SDK1: variants seen among roughly 807,000 people sequenced by gnomAD.
The protein encoded by SDK1 is sidekick cell adhesion molecule 1.
In SDK1, 157 loss-of-function variants were observed where a neutral mutation model predicts 245.5. The ratio of observed to expected loss-of-function variants is 0.64; its 90% confidence interval spans 0.56 to 0.73. The LOEUF (loss-of-function observed/expected upper bound fraction) is 0.73. Among genes scored for constraint, SDK1 ranks in the 30% least tolerant of loss-of-function variants. The probability of loss-of-function intolerance (pLI) is 0.00; values close to 1 mark genes in which losing one functional copy is unlikely to be tolerated. For synonymous variants in SDK1, 1,647 were observed against 1,278.5 expected (o/e 1.29, Z -6.15); for missense variants, 3,583 against 3,002.3 (o/e 1.19, Z -4.52).
chr7:4,037,072 A>T (rs1460110531), intron 17 of SDK1, among the ~76,000 whole-genome samples: 2 of 152,216 alleles, frequency 1.3e-5, no homozygotes, highest in Non-Finnish European at 2.9e-5. Context: ...TGATGATGAT[A>T]ACGATGCATT....
chr7:3,869,246 C>G (rs2115130749), intron 5 of SDK1, among the ~76,000 whole-genome samples: 1 of 151,060 alleles, frequency 6.6e-6, no homozygotes, highest in South Asian at 2.1e-4. Context: ...ATCTCCACCT[C>G]CCGGGTTCAA....
intron 12 of SDK1, 142 bp from the exon 13 acceptor site, chr7:3,974,227 C>A: frequency 3.9e-6 from 2 of 511,954 alleles, no homozygotes; most frequent in Non-Finnish European, 6.7e-6. Context: ...AAAGAAAAAT[C>A]ACTCTTTTAA....
intron 41 of SDK1, among the ~76,000 whole-genome samples, chr7:4,235,606 C>A (rs1269931485): frequency 6.6e-6 from 1 of 152,144 alleles, no homozygotes; most frequent in Non-Finnish European, 1.5e-5. Context: ...TTCAGAGATC[C>A]AAGATTTACT....
chr7:3,512,530 C>T (rs1782615695), intron 1 of SDK1, among the ~76,000 whole-genome samples: 1 of 152,132 alleles, frequency 6.6e-6, no homozygotes, highest in African/African-American at 2.4e-5. Context: ...TGTAAGAAGC[C>T]ACCAGGCTGT....
intron 1 of SDK1, among the ~76,000 whole-genome samples, chr7:3,598,222 T>C (rs988236697): frequency 2.6e-5 from 4 of 152,216 alleles, no homozygotes. Context: ...TCAAGCCTTT[T>C]GCTCATTTTA....
intron 1 of SDK1, among the ~76,000 whole-genome samples, chr7:3,527,558 G>A (rs533032398): frequency 6.6e-6 from 1 of 152,210 alleles, no homozygotes; most frequent in African/African-American, 2.4e-5. Flanking sequence ...TGGGTGAGTG[G>A]TAGGAGTTGA....
intron 1 of SDK1, among the ~76,000 whole-genome samples, chr7:3,467,796 T>C (rs143362562): frequency 3.8e-4 from 58 of 152,280 alleles, no homozygotes; most frequent in Admixed American, 7.2e-4. Flanking sequence ...AATTAAAATT[T>C]GTTCTCTAAA....
rs918894580 is a variant in SDK1, at chr7:4,139,929, G to C, written c.4229-5793G>C. Among the ~76,000 whole-genome samples, 50 of 152,066 alleles carry C rather than the reference G, an allele frequency of 3.3e-4. 1 individual carries two copies. Among genetic ancestry groups the C allele is most frequent in the African/African-American group, 1.2e-3 (48 of 41,398 alleles). ...TCGATGGGAACGATCTGGTAATGGGGCAGGGCCCCAGGCCTCCCTGAACAA... is the reference window on the plus strand; with the variant it reads ...TCGATGGGAACGATCTGGTAATGGGCCAGGGCCCCAGGCCTCCCTGAACAA... On this transcript the variant is annotated intron_variant, in intron 28 of 44. Transcript: ENST00000404826.
In SDK1 at chr7:4,077,067, C is replaced by T. The variant is rs61735696; in HGVS notation, c.3080C>T (p.Thr1027Met). Residue 1027 changes from threonine to methionine, a missense_variant, in exon 21 of 45, where the codon ACG becomes ATG. Physicochemically the swap from Thr to Met is moderately conservative, Grantham distance 81 (BLOSUM62 -1). Transcript: ENST00000404826. ...SRLTHTLNST[T>M]HEYKIQGLSS... ...CTCACGCACACCCTGAACAGCACGA[C>T]GCACGAGTACAAGATCCAAGGCCTC... is the stretch of plus-strand genomic sequence containing the variant. 0.02 allele frequency: 32,247 copies of T among 1,614,134 alleles called. 413 individuals carry two copies. The highest frequency in any genetic ancestry group is 0.061 in the Admixed American group (3,673 of 60,014).
intron 4 of SDK1, among the ~76,000 whole-genome samples, chr7:3,673,078 C>T (rs1783771675): frequency 6.6e-6 from 1 of 151,884 alleles, no homozygotes; most frequent in South Asian, 2.1e-4. Context: ...TATGAAGATA[C>T]TTCCTTGTAG....
intron 30 of SDK1, among the ~76,000 whole-genome samples, chr7:4,151,349 A>G (rs2128208727): frequency 6.6e-6 from 1 of 152,258 alleles, no homozygotes; most frequent in East Asian, 1.9e-4. Flanking sequence ...CTGAAAATCG[A>G]GGTGGAATGG....
At chr7:3,692,599 G>T (rs960639172) in intron 4 of SDK1, among the ~76,000 whole-genome samples, 4 of 152,072 alleles carry the variant, frequency 2.6e-5, no homozygotes, top group Middle Eastern at 3.4e-3. Context: ...TTAAACTGAT[G>T]TGATAAAAAT....
intron 4 of SDK1, among the ~76,000 whole-genome samples, chr7:3,659,355 C>T (rs1486391539): frequency 1.3e-5 from 2 of 152,042 alleles, no homozygotes; most frequent in African/African-American, 4.8e-5. Flanking sequence ...GGGCAAAAAC[C>T]AAACACATAA....
chr7:3,909,424 C>T (rs1479125869), intron 5 of SDK1, among the ~76,000 whole-genome samples: 6 of 152,224 alleles, frequency 3.9e-5, no homozygotes, highest in Non-Finnish European at 1.5e-5. Context: ...TCTGCCCATC[C>T]TGAGGGACCT....
intron 25 of SDK1, among the ~76,000 whole-genome samples, chr7:4,122,461 T>A (rs1236924885): frequency 6.6e-6 from 1 of 152,134 alleles, no homozygotes; most frequent in Non-Finnish European, 1.5e-5. Context: ...AAATAGCAGC[T>A]CCTGGGAGCT....
chr7:3,557,365 AAACT>A (rs1183848410), intron 1 of SDK1, among the ~76,000 whole-genome samples: 1 of 152,208 alleles, frequency 6.6e-6, no homozygotes, highest in African/African-American at 2.4e-5. Context: ...CAAAAACTGC[AAACT>A]AATACTCAAC....
intron 1 of SDK1, among the ~76,000 whole-genome samples, chr7:3,334,901 C>G (rs1419996629): frequency 6.6e-6 from 1 of 152,110 alleles, no homozygotes; most frequent in Non-Finnish European, 1.5e-5. Flanking sequence ...ATCTCTCTCA[C>G]TTAGTGTCTC....
chr7:4,207,094 C>A (rs1016941385), intron 36 of SDK1, among the ~76,000 whole-genome samples: 2 of 152,236 alleles, frequency 1.3e-5, no homozygotes, highest in African/African-American at 4.8e-5. Context: ...ACGGTCAATT[C>A]AGTGAGCAGA....
chr7:3,990,167 A>G (rs1784186689), intron 14 of SDK1, among the ~76,000 whole-genome samples: 2 of 152,230 alleles, frequency 1.3e-5, no homozygotes, highest in Non-Finnish European at 2.9e-5. Context: ...AAACCAGTTC[A>G]CCGAGGGAAG....
Sources: gnomAD v4.1 joint callset for allele counts (sites outside exome capture counted in the v4.1 genomes callset) on GRCh38, gnomAD v4.1.1 for gene constraint, MANE v1.5 for transcripts, NCBI Gene and HGNC (gene_info 2026-07-23, HGNC 2026-07-21) for gene names.